The following SIMC1 variants were observed in gnomAD, a reference collection of about 807,000 sequenced individuals.
SIMC1 encodes SUMO interacting motifs containing 1.
SIMC1 carries 55 observed loss-of-function variants against 82.3 expected under a neutral mutation model. The observed-to-expected ratio is 0.67, with a 90% CI of 0.54 to 0.84. The LOEUF is 0.84. SIMC1 is among the 40% of genes least tolerant of loss of function. SIMC1 has a pLI of 0.00. For synonymous variants in SIMC1, 353 were observed against 426.3 expected (o/e 0.83, Z 2.12); for missense variants, 915 against 1,107.2 (o/e 0.83, Z 2.46).
chr5:176,282,568 A>G (rs1763064575), intron 1 of SIMC1, among the ~76,000 whole-genome samples: 2 of 151,460 alleles, frequency 1.3e-5, no homozygotes, highest in Admixed American at 6.6e-5. Flanking sequence ...CTATTCGGCC[A>G]TCTTGGCTCC....
chr5:176,343,135 T>C (rs1766225469), intron 9 of SIMC1, among the ~76,000 whole-genome samples: 1 of 152,256 alleles, frequency 6.6e-6, no homozygotes, highest in Non-Finnish European at 1.5e-5. Context: ...CATCATTTTA[T>C]CTGAAGGTTG....
At position 176,290,241 on chromosome 5, in the gene SIMC1, C is replaced by T. The variant is rs757094169; in HGVS notation, c.717C>T (p.Ala239=). 4 of 1,612,844 alleles carry T rather than the reference C, an allele frequency of 2.5e-6. No homozygotes were observed. In the African/African-American group the frequency reaches 5.3e-5, roughly 22 times the overall value. Residue 239 remains alanine, a synonymous_variant, in exon 2 of 10, where the codon GCC becomes GCT. Transcript: ENST00000429602. ...PPRASPCPPR[A]SSCPPRALSC... ...GAGCCTCACCATGTCCACCACGAGCCTCCTCATGCCCACCACGAGCCTTGT... is the reference window on the plus strand; with the variant it reads ...GAGCCTCACCATGTCCACCACGAGCTTCCTCATGCCCACCACGAGCCTTGT...
rs374739136 is a variant in SIMC1, at chr5:176,273,742, A to G, written c.130-15912A>G. Among the ~76,000 whole-genome samples the G allele has an allele frequency of 1.2e-4, 18 of 152,084 alleles. No homozygotes were observed. In the East Asian group the frequency reaches 2.5e-3, roughly 21 times the overall value. On this transcript the variant is annotated intron_variant, in intron 1 of 9. Transcript: ENST00000429602. ...ATTGTTCAATTCCCACCTATGAGTG[A>G]GAATATGCGGTGTTTGGTTTTTTGT...
intron 9 of SIMC1, among the ~76,000 whole-genome samples, chr5:176,338,122 A>G (rs141090163): frequency 1.1e-4 from 16 of 152,338 alleles, no homozygotes; most frequent in African/African-American, 3.6e-4. Flanking sequence ...GTTCTTGCCA[A>G]AAGTTCATGA....
chr5:176,267,247 ACTT>A (rs1762237695), intron 1 of SIMC1, among the ~76,000 whole-genome samples: 1 of 115,224 alleles, frequency 8.7e-6, no homozygotes, highest in Non-Finnish European at 1.9e-5. Context: ...TTAACACCTC[ACTT>A]CTTATCAGAA....
At chr5:176,284,230 C>T (rs1015331619) in intron 1 of SIMC1, among the ~76,000 whole-genome samples, 4 of 152,230 alleles carry the variant, frequency 2.6e-5, no homozygotes, top group Non-Finnish European at 5.9e-5. Flanking sequence ...ACATTCTTCT[C>T]AGCACCACAC....
At chr5:176,279,186 T>C (rs1231405045) in intron 1 of SIMC1, among the ~76,000 whole-genome samples, 7 of 152,218 alleles carry the variant, frequency 4.6e-5, no homozygotes, top group African/African-American at 1.7e-4. Context: ...TGGGAGAGTG[T>C]ATGTGTCGAG....
rs533851280 is a variant in SIMC1 at position 176,290,313 on chromosome 5, C to G, written c.789C>G (p.His263Gln). Residue 263 changes from histidine (H) to glutamine (Q), a missense_variant, in exon 2 of 10, where the codon CAC becomes CAG. By Grantham distance (24) the His-to-Gln change is conservative (BLOSUM62 0). Transcript: ENST00000429602. ...TMQCQLPALT[H>Q]PPQEVPCPRQ... is the part of the protein sequence containing the mutation. The stretch of plus-strand genomic sequence containing the variant: ...AGTGCCAACTACCAGCTCTAACTCA[C>G]CCACCTCAAGAAGTGCCATGCCCTC... 3 of 1,613,816 alleles carry G rather than the reference C, an allele frequency of 1.9e-6. No individual in the cohort carries two copies. Among genetic ancestry groups the G allele is most frequent in the East Asian group, 2.2e-5 (1 of 44,882 alleles).
At chr5:176,331,072 G>A (rs1448695331) in intron 7 of SIMC1, among the ~76,000 whole-genome samples, 1 of 152,120 alleles carries the variant, frequency 6.6e-6, no homozygotes, top group Non-Finnish European at 1.5e-5. Context: ...TGTCAAATGA[G>A]AGATGTTCCT....
At chr5:176,248,900 C>T (rs568900092) in intron 1 of SIMC1, among the ~76,000 whole-genome samples, 24 of 152,166 alleles carry the variant, frequency 1.6e-4, no homozygotes, top group Admixed American at 9.2e-4. Flanking sequence ...CGATGGATTA[C>T]GTTTATTGAT....
At chr5:176,277,873 C>G (rs1404933521) in intron 1 of SIMC1, among the ~76,000 whole-genome samples, 1 of 151,342 alleles carries the variant, frequency 6.6e-6, no homozygotes, top group Non-Finnish European at 1.5e-5. Flanking sequence ...AGTTTGAAGT[C>G]AGGTAGCGTG....
intron 4 of SIMC1, among the ~76,000 whole-genome samples, chr5:176,310,908 C>G (rs997763787): frequency 5.3e-5 from 8 of 152,002 alleles, no homozygotes; most frequent in Non-Finnish European, 8.8e-5. Context: ...AAGCAATGAG[C>G]TATTGATGCA....
chr5:176,311,096 C>T (rs1221832341), intron 4 of SIMC1, among the ~76,000 whole-genome samples: 1 of 152,046 alleles, frequency 6.6e-6, no homozygotes, highest in Non-Finnish European at 1.5e-5. Context: ...ACTGTAAGTG[C>T]CCATGAGGGA....
intron 7 of SIMC1, among the ~76,000 whole-genome samples, chr5:176,332,889 A>G (rs1239275161): frequency 1.3e-5 from 2 of 152,184 alleles, no homozygotes; most frequent in Non-Finnish European, 1.5e-5. Flanking sequence ...CATCACTTCA[A>G]GGATTGCTCT....
At chr5:176,312,536 C>CAAAAAAAAAAAAAA (rs10551875) in intron 4 of SIMC1, among the ~76,000 whole-genome samples, 1 of 70,038 alleles carries the variant, frequency 1.4e-5, no homozygotes, top group African/African-American at 5.8e-5. Flanking sequence ...GACTCCATCT[C>CAAAAAAAAAAAAAA]AAAAAAAAAA....
intron 1 of SIMC1, among the ~76,000 whole-genome samples, chr5:176,268,213 A>G (rs1162004692): frequency 5.7e-5 from 6 of 104,854 alleles, no homozygotes; most frequent in Non-Finnish European, 1.1e-4. Flanking sequence ...ATATGTCACT[A>G]GCATAAAGGG....
chr5:176,320,541 A>G (rs1271532996), intron 5 of SIMC1, among the ~76,000 whole-genome samples: 1 of 151,624 alleles, frequency 6.6e-6, no homozygotes, highest in African/African-American at 2.4e-5. Flanking sequence ...GCTAATTTTT[A>G]GTATTTTTAG....
intron 1 of SIMC1, among the ~76,000 whole-genome samples, chr5:176,274,017 C>A (rs572706862): frequency 0.021 from 3,124 of 149,668 alleles, 48 homozygotes; most frequent in Middle Eastern, 0.068. Context: ...TGGGTATATA[C>A]CCAGTAATGG....
chr5:176,289,685 C>T lies in SIMC1; in HGVS notation c.161C>T (p.Pro54Leu). The T allele has an allele frequency of 1.2e-6, 2 of 1,610,424 alleles. No individual in the cohort carries two copies. Among genetic ancestry groups the T allele is most frequent in the Non-Finnish European group, 1.7e-6 (2 of 1,178,322 alleles). Residue 54 changes from proline to leucine, a missense_variant, in exon 2 of 10, where the codon CCA (proline) becomes CTA (leucine). Physicochemically the swap from Pro to Leu is moderately conservative, Grantham distance 98. Around this residue, in one of 2 missense-constraint regions of SIMC1, gnomAD observed 902 missense variants for 1,040.3 expected, o/e 0.87. Coordinates refer to ENST00000429602, the MANE Select transcript of SIMC1 (RefSeq NM_001308195.2). Reference sequence around the variant, plus strand: ...ATTGACTTAACTAGAGAGACCAGACCAAGGACAAAAGATCGCAGTGGACTG... The same window carrying T: ...ATTGACTTAACTAGAGAGACCAGACTAAGGACAAAAGATCGCAGTGGACTG... ...DFIDLTRETR[P>L]RTKDRSGLYV...
Sources: allele counts gnomAD v4.1 joint callset (sites outside exome capture counted in the v4.1 genomes callset), GRCh38; gene constraint gnomAD v4.1.1; regional missense constraint gnomAD v4.1.1; transcripts MANE v1.5; gene names NCBI Gene and HGNC (gene_info 2026-07-23, HGNC 2026-07-21).